Variants in RAB3GAP2 observed in about 807,000 individuals in gnomAD.
RAB3GAP2 encodes the protein rab3 GTPase-activating protein non-catalytic subunit.
Under a neutral mutation model 185.3 loss-of-function variants are expected in RAB3GAP2, and 87 were observed. The ratio of observed to expected loss-of-function variants is 0.47; its 90% CI spans 0.39 to 0.56. The LOEUF (loss-of-function observed/expected upper bound fraction) is 0.56, where lower values mean the gene tolerates loss of function less well. Ranked by LOEUF, RAB3GAP2 falls within the 20% of genes least tolerant of loss-of-function variation. RAB3GAP2 has a pLI of 0.00. For missense variants in RAB3GAP2, 1,492 were observed against 1,638.2 expected, an observed-to-expected ratio of 0.91 and a Z score of 1.54; for synonymous variants, 554 against 576.1, an observed-to-expected ratio of 0.96 and a Z score of 0.55.
chr1:220,260,142 G>T (rs916207863), intron 1 of RAB3GAP2, among the ~76,000 whole-genome samples: 1 of 152,194 alleles, frequency 6.6e-6, no homozygotes, highest in African/African-American at 2.4e-5. Context: ...CTGTTGGTGG[G>T]AGTGTAAATT....
intron 19 of RAB3GAP2, 79 bp from the exon 20 acceptor site, chr1:220,183,010 G>A: frequency 1.6e-6 from 2 of 1,239,222 alleles, no homozygotes; most frequent in South Asian, 2.5e-5. Context: ...AAGGCTGTAA[G>A]CAAAAGTCGA....
Position 220,158,503 on chromosome 1 carries a change from C to T in RAB3GAP2, c.3262-627G>A, listed in dbSNP as rs931133757. ...TTGCCCAGGCTGGAGTACAGTGGCA[C>T]GATCTCGGCTCACTGCAACCTCCAC... On this transcript the variant is annotated intron_variant, in intron 29 of 34. Coordinates refer to ENST00000358951, the MANE Select transcript of RAB3GAP2 (RefSeq NM_012414.4). The surrounding 1 kb of genome is among the most constrained non-coding windows in gnomAD (Gnocchi z 4.3). Among the ~76,000 whole-genome samples, 3 of 151,808 alleles carry T rather than the reference C, an allele frequency of 2.0e-5. No homozygotes were observed. Among genetic ancestry groups the T allele is most frequent in the East Asian group, 1.9e-4 (1 of 5,174 alleles).
At chr1:220,165,452 A>G (rs1469679387) in intron 26 of RAB3GAP2, among the ~76,000 whole-genome samples, 2 of 152,050 alleles carry the variant, frequency 1.3e-5, no homozygotes, top group Non-Finnish European at 2.9e-5. Context: ...AGTATACAAC[A>G]CTGATTAAAT....
rs530361104 is a variant in RAB3GAP2, at chr1:220,195,004, A to G, written c.1130+74T>C. 12 of 1,404,066 alleles carry G rather than the reference A, an allele frequency of 8.5e-6. No homozygotes were observed. In the African/African-American group the frequency reaches 9.9e-5, roughly 12 times the overall value. 87.0% of individuals were successfully genotyped at this position (1,404,066 alleles called of 1,614,324 possible). A position where few individuals can be genotyped will look rare whatever the true frequency, so the allele number is the denominator to read the frequency against. ...AAAGACAAGATCAGCAAATCAACCAAGCACACGGAAAGACCATACATTTAA... is the reference window on the plus strand; with the variant it reads ...AAAGACAAGATCAGCAAATCAACCAGGCACACGGAAAGACCATACATTTAA... On this transcript the variant is annotated intron_variant, in intron 12 of 34. Coordinates refer to ENST00000358951, the MANE Select transcript of RAB3GAP2 (RefSeq NM_012414.4).
At chr1:220,236,643 G>T (rs1328894631) in intron 1 of RAB3GAP2, among the ~76,000 whole-genome samples, 1 of 151,468 alleles carries the variant, frequency 6.6e-6, no homozygotes, top group Non-Finnish European at 1.5e-5. Flanking sequence ...TACGCCTTCA[G>T]GTTAGGCAAG....
rs767189501 is a variant in RAB3GAP2, at chr1:220,232,810, GTTCA to G, written c.165_168del (p.Glu56HisfsTer34). On this transcript the variant is annotated frameshift_variant, in exon 2 of 35. Coordinates refer to ENST00000358951, the MANE Select transcript of RAB3GAP2 (RefSeq NM_012414.4). LOFTEE classifies it high-confidence loss of function. ...TTGTAAAGACTTACAGGTTCTTGTG[GTTCA>G]TTTTCTTCCCATGCTCCCCAACCAT... The G allele has an allele frequency of 6.2e-7, 1 of 1,613,426 alleles. No individual in the cohort carries two copies. Among genetic ancestry groups the G allele is most frequent in the South Asian group, 1.1e-5 (1 of 91,054 alleles).
intron 9 of RAB3GAP2, among the ~76,000 whole-genome samples, chr1:220,196,624 A>G (rs1267508616): frequency 6.6e-6 from 1 of 152,046 alleles, no homozygotes; most frequent in Non-Finnish European, 1.5e-5. Context: ...TGAGGTCAAG[A>G]GTTTGAAATC....
chr1:220,164,468 G>GTT lies in RAB3GAP2; in HGVS notation c.3154+263_3154+264dup, dbSNP rs1339856200. On this transcript the variant is annotated intron_variant, in intron 27 of 34. Coordinates refer to ENST00000358951, the MANE Select transcript of RAB3GAP2 (RefSeq NM_012414.4). Reference sequence around the variant, plus strand: ...CTGTTTTTTTTTTGTTTTGTTTTTTGTTTTGTTTTTTTTTTTTTTTTTTTA... The same window carrying GTT: ...CTGTTTTTTTTTTGTTTTGTTTTTTGTTTTTTGTTTTTTTTTTTTTTTTTTTA... Among the ~76,000 whole-genome samples the GTT allele has an allele frequency of 1.5e-3, 180 of 117,042 alleles. 1 individual carries two copies. The highest frequency in any genetic ancestry group is 5.9e-3 in the African/African-American group (177 of 29,954). The allele number at this position is 117,042 out of a possible 152,430, so 76.8% of individuals were successfully genotyped here. A position where few individuals can be genotyped will look rare whatever the true frequency, so the allele number is the denominator to read the frequency against.
At chr1:220,255,643 A>C (rs763362997) in intron 1 of RAB3GAP2, among the ~76,000 whole-genome samples, 19 of 152,376 alleles carry the variant, frequency 1.2e-4, no homozygotes, top group Middle Eastern at 3.4e-3. Context: ...AATCACAAGT[A>C]TCAATAGCAG....
chr1:220,167,770 G>GC, intron 24 of RAB3GAP2, 95 bp from the exon 25 acceptor site: 2 of 1,282,868 alleles, frequency 1.6e-6, no homozygotes, highest in Non-Finnish European at 1.1e-6. Flanking sequence ...AGATCTAAGT[G>GC]CCACATTCAT....
intron 1 of RAB3GAP2, among the ~76,000 whole-genome samples, chr1:220,255,079 T>C (rs1317382107): frequency 6.6e-6 from 1 of 152,092 alleles, no homozygotes; most frequent in East Asian, 1.9e-4. Context: ...ATGGTTTTTG[T>C]ATTTGTGTCT....
At chr1:220,247,689 T>C in intron 1 of RAB3GAP2, among the ~76,000 whole-genome samples, 1 of 152,128 alleles carries the variant, frequency 6.6e-6, no homozygotes, top group East Asian at 1.9e-4. Context: ...AATCTCAGAA[T>C]TCACCACTAA....
intron 27 of RAB3GAP2, among the ~76,000 whole-genome samples, chr1:220,163,398 T>G (rs1292958525): frequency 1.3e-5 from 2 of 149,458 alleles, no homozygotes; most frequent in African/African-American, 4.9e-5. Flanking sequence ...ACGGAGTCTC[T>G]CTCTCCCAGG....
chr1:220,192,292 CAGG>C (rs1257973618), intron 13 of RAB3GAP2, among the ~76,000 whole-genome samples: 7 of 152,210 alleles, frequency 4.6e-5, no homozygotes, highest in African/African-American at 1.7e-4. Flanking sequence ...TCTATCACTG[CAGG>C]AGTTCTTTGG....
At chr1:220,245,837 C>A (rs1659800683) in intron 1 of RAB3GAP2, among the ~76,000 whole-genome samples, 1 of 152,196 alleles carries the variant, frequency 6.6e-6, no homozygotes, top group African/African-American at 2.4e-5. Context: ...AGGCAGACTG[C>A]CTCTTCAAGT....
At position 220,210,985 on chromosome 1, in the gene RAB3GAP2, G is replaced by C. The variant is rs368573294; in HGVS notation, c.404C>G (p.Ala135Gly). 6 of 1,613,720 alleles carry C rather than the reference G, an allele frequency of 3.7e-6. No homozygotes were observed. Among genetic ancestry groups the C allele is most frequent in the Non-Finnish European group, 5.1e-6 (6 of 1,179,866 alleles). Residue 135 changes from alanine (A) to glycine (G), a missense_variant, in exon 5 of 35, where the codon GCT becomes GGT. Ala to Gly is a moderately conservative substitution (Grantham distance 60, BLOSUM62 0). Coordinates refer to ENST00000358951, the MANE Select transcript of RAB3GAP2 (RefSeq NM_012414.4). ...TTGGCTTGCTAGTGGGATACATAGAGCACTGGTTACACATTCCCTAAAAAC... is the reference window on the plus strand; with the variant it reads ...TTGGCTTGCTAGTGGGATACATAGACCACTGGTTACACATTCCCTAAAAAC... ...NVEEGECVTSALCIPLASQKR... is the reference protein window; with the variant it reads ...NVEEGECVTSGLCIPLASQKR...
chr1:220,155,020 C>T lies in RAB3GAP2; in HGVS notation c.3556-963G>A, dbSNP rs118173301. Reference sequence around the variant, plus strand: ...GATTACAGGCATGAGCCACCGCGCCCAGCCTCTGAATCCTTTTAAAAACAC... The same window carrying T: ...GATTACAGGCATGAGCCACCGCGCCTAGCCTCTGAATCCTTTTAAAAACAC... On this transcript the variant is annotated intron_variant, in intron 31 of 34. Coordinates refer to ENST00000358951, the MANE Select transcript of RAB3GAP2 (RefSeq NM_012414.4). 1.0e-3 allele frequency among the ~76,000 whole-genome samples: 154 copies of T among 152,294 alleles called. 3 individuals are homozygous for T. In the East Asian group the frequency reaches 0.026, roughly 25 times the overall value.
intron 9 of RAB3GAP2, chr1:220,200,395 C>T: frequency 3.0e-6 from 1 of 328,808 alleles, no homozygotes; most frequent in Non-Finnish European, 6.3e-6. Context: ...TGTTTGTCTC[C>T]CCATCACCAA....
chr1:220,161,995 T>TC (rs1657971286), intron 28 of RAB3GAP2, among the ~76,000 whole-genome samples: 1 of 152,228 alleles, frequency 6.6e-6, no homozygotes, highest in Admixed American at 6.5e-5. Flanking sequence ...TTTTATAATA[T>TC]ATTAGTCTCT....
Sources: gnomAD v4.1 joint callset for allele counts (sites outside exome capture counted in the v4.1 genomes callset) on GRCh38, gnomAD v4.1.1 for gene constraint, Gnocchi (gnomAD v3.1) non-coding constraint, MANE v1.5 for transcripts, NCBI Gene and HGNC (gene_info 2026-07-23, HGNC 2026-07-21) for gene names.